The following FMN1 variants were observed in gnomAD, a reference collection of about 807,000 sequenced individuals.
The protein encoded by FMN1 is formin-1.
A neutral mutation model predicts 132.4 loss-of-function variants in FMN1; 110 were observed. The observed-to-expected ratio is 0.83, with a 90% CI of 0.71 to 0.97. FMN1 has a LOEUF of 0.97. FMN1 is among the 50% of genes least tolerant of loss of function. The probability of loss-of-function intolerance (pLI) is 0.00; values close to 1 mark genes in which losing one functional copy is unlikely to be tolerated. For missense variants in FMN1, 1,792 were observed against 1,705.3 expected (o/e 1.05, Z -0.90); for synonymous variants, 722 against 651.7 (o/e 1.11, Z -1.64).
intron 6 of FMN1, among the ~76,000 whole-genome samples, chr15:33,043,956 AG>A (rs762510382): frequency 3.2e-4 from 49 of 152,194 alleles, no homozygotes; most frequent in Non-Finnish European, 5.4e-4. Flanking sequence ...TCAGGGACCC[AG>A]GAAGTCCCCC....
Position 32,926,261 on chromosome 15 carries a change from T to C in FMN1, c.3139A>G (p.Ile1047Val), listed in dbSNP as rs1319505716. The change falls in exon 10 of 21, where the codon ATC becomes GTC. Residue 1047 changes from isoleucine to valine, a missense_variant and splice_region_variant. Around this residue, in one of 3 missense-constraint regions of FMN1, gnomAD observed 1,150 missense variants for 1,043.1 expected, o/e 1.10. Coordinates refer to ENST00000616417, the MANE Select transcript of FMN1 (RefSeq NM_001277313.2). ...CGTTTTCCATCCAACAATTTGATGA[T>C]CTAAAATTAGAAAAAAAAAAAAAAG... ...TYEKKNKVKK[I>V]IKLLDGKRSQ... 4.8e-6 allele frequency: 7 copies of C among 1,457,238 alleles called. No homozygotes were observed. The African/African-American group carries it at 7.4e-5, about 15-fold the overall frequency. 90.3% of individuals were successfully genotyped at this position (1,457,238 alleles called of 1,614,324 possible).
chr15:32,889,532 A>T (rs1179621672), intron 15 of FMN1, among the ~76,000 whole-genome samples: 1 of 151,200 alleles, frequency 6.6e-6, no homozygotes, highest in Non-Finnish European at 1.5e-5. Flanking sequence ...CCTATCTCCA[A>T]CTCCCTCTAG....
At chr15:32,817,964 C>T (rs1000158614) in intron 17 of FMN1, among the ~76,000 whole-genome samples, 17 of 152,158 alleles carry the variant, frequency 1.1e-4, no homozygotes, top group Non-Finnish European at 2.2e-4. Context: ...TGCTTTTTAT[C>T]AAACCTTTGT....
Position 33,153,441 on chromosome 15 carries a change from GCTT to G in FMN1, c.1471_1473del (p.Lys491del), listed in dbSNP as rs1964531468. The G allele has an allele frequency of 6.5e-7, 1 of 1,536,794 alleles. No individual in the cohort carries two copies. The highest frequency in any genetic ancestry group is 8.7e-7 in the Non-Finnish European group (1 of 1,147,028). ...AGAGCTGCCGGTGCTGGTGGGGATG[GCTT>G]CTTCTTATCACCTCTGGGTTGTGAG... is the stretch of plus-strand genomic sequence containing the variant. On this transcript the variant is annotated inframe_deletion, in exon 4 of 21. Transcript: ENST00000616417.
intron 6 of FMN1, among the ~76,000 whole-genome samples, chr15:33,035,271 C>T (rs749318513): frequency 1.6e-4 from 25 of 152,106 alleles, no homozygotes; most frequent in Non-Finnish European, 3.1e-4. Context: ...TCTGTGATTT[C>T]CTATTGCTGA....
At chr15:32,836,990 C>A (rs1203398955) in intron 17 of FMN1, 1 of 227,776 alleles carries the variant, frequency 4.4e-6, no homozygotes. Flanking sequence ...TTTACACTGA[C>A]AATTTCATTC....
chr15:32,964,069 T>A (rs1567472634), intron 9 of FMN1, 38 bp downstream of exon 9: 2 of 1,505,848 alleles, frequency 1.3e-6, no homozygotes, highest in Non-Finnish European at 1.8e-6. Flanking sequence ...TTTCCCTGTA[T>A]AATATATAAT....
At chr15:32,840,117 C>T (rs1343045353) in intron 17 of FMN1, among the ~76,000 whole-genome samples, 1 of 152,296 alleles carries the variant, frequency 6.6e-6, no homozygotes, top group South Asian at 2.1e-4. Flanking sequence ...AGCTTGAGGT[C>T]TGTGGGCGAA....
chr15:33,096,620 G>C (rs1555399017), intron 4 of FMN1, among the ~76,000 whole-genome samples: 1 of 149,878 alleles, frequency 6.7e-6, no homozygotes. Flanking sequence ...TTTTTTCTTA[G>C]ACAGGGTCTC....
intron 4 of FMN1, among the ~76,000 whole-genome samples, chr15:33,097,131 T>TA (rs963286371): frequency 2.0e-4 from 31 of 151,370 alleles, no homozygotes; most frequent in Non-Finnish European, 3.4e-4. Context: ...CCATCTCTAC[T>TA]AAAAAAAATA....
chr15:33,173,441 G>A (rs547490722), intron 3 of FMN1, among the ~76,000 whole-genome samples: 165 of 152,250 alleles, frequency 1.1e-3, no homozygotes, highest in Non-Finnish European at 2.0e-3. Flanking sequence ...AGCATGCTTG[G>A]TGTTAGAGAA....
At chr15:32,848,699 G>T (rs943370965) in intron 17 of FMN1, among the ~76,000 whole-genome samples, 1 of 152,082 alleles carries the variant, frequency 6.6e-6, no homozygotes, top group Non-Finnish European at 1.5e-5. Context: ...TGTGAAGTGC[G>T]AAGTACTATA....
intron 19 of FMN1, among the ~76,000 whole-genome samples, chr15:32,787,013 G>C (rs1352951673): frequency 6.6e-6 from 1 of 152,238 alleles, no homozygotes; most frequent in Non-Finnish European, 1.5e-5. Flanking sequence ...GACCAGGGCT[G>C]TGAGGACCAC....
At chr15:33,100,070 A>C (rs947378357) in intron 4 of FMN1, among the ~76,000 whole-genome samples, 16 of 152,192 alleles carry the variant, frequency 1.1e-4, no homozygotes, top group African/African-American at 3.9e-4. Context: ...CTTAGCCATC[A>C]TTCCACTCAA....
chr15:33,124,612 A>G (rs548125945), intron 4 of FMN1, among the ~76,000 whole-genome samples: 1 of 152,150 alleles, frequency 6.6e-6, no homozygotes, highest in Non-Finnish European at 1.5e-5. Context: ...ATATTGCATT[A>G]ATCTTCTAGA....
chr15:32,999,054 T>C (rs919706437), intron 7 of FMN1, among the ~76,000 whole-genome samples: 4 of 152,150 alleles, frequency 2.6e-5, no homozygotes, highest in Non-Finnish European at 5.9e-5. Flanking sequence ...CACACTAAAA[T>C]GATGAATTAA....
intron 7 of FMN1, among the ~76,000 whole-genome samples, chr15:32,979,203 C>T (rs571208263): frequency 5.3e-5 from 8 of 152,252 alleles, no homozygotes; most frequent in African/African-American, 1.9e-4. Context: ...GCCTCCCTAC[C>T]AGCCAATACT....
intron 16 of FMN1, among the ~76,000 whole-genome samples, chr15:32,882,676 A>G (rs537597534): frequency 1.1e-4 from 16 of 152,340 alleles, no homozygotes; most frequent in East Asian, 7.7e-4. Context: ...AGAATTTCAG[A>G]TAAGAAAAAA....
intron 7 of FMN1, among the ~76,000 whole-genome samples, chr15:32,975,183 A>AGT (rs2032104441): frequency 6.6e-6 from 1 of 152,222 alleles, no homozygotes; most frequent in South Asian, 2.1e-4. Context: ...GCTTGACAAA[A>AGT]GTATTCCTTT....
Sources: gnomAD v4.1 joint callset for allele counts (sites outside exome capture counted in the v4.1 genomes callset) on GRCh38, gnomAD v4.1.1 for gene constraint, gnomAD v4.1.1 regional missense constraint, MANE v1.5 for transcripts, NCBI Gene and HGNC (gene_info 2026-07-23, HGNC 2026-07-21) for gene names.